The following TBX20 variants were observed in gnomAD, a reference collection of about 807,000 sequenced individuals.
TBX20 encodes the protein T-box transcription factor TBX20.
A neutral mutation model predicts 42.9 loss-of-function variants in TBX20; 8 were observed. The observed-to-expected ratio is 0.19, with a 90% CI of 0.11 to 0.34. TBX20 has a LOEUF of 0.34. TBX20 is among the 10% of genes least tolerant of loss of function. The probability of loss-of-function intolerance (pLI) is 1.00; values close to 1 mark genes in which losing one functional copy is unlikely to be tolerated. For missense variants in TBX20, 411 were observed against 566.0 expected, an observed-to-expected ratio of 0.73 and a Z score of 2.78; for synonymous variants, 198 against 222.8, an observed-to-expected ratio of 0.89 and a Z score of 0.99.
intron 6 of TBX20, among the ~76,000 whole-genome samples, chr7:35,218,844 G>A (rs1191332321): frequency 2.8e-4 from 43 of 152,098 alleles, no homozygotes; most frequent in Non-Finnish European, 5.1e-4. Flanking sequence ...AGGATGAGAG[G>A]GTGGAGCCCT....
intron 6 of TBX20, among the ~76,000 whole-genome samples, chr7:35,211,562 G>C (rs1789496325): frequency 6.6e-6 from 1 of 152,072 alleles, no homozygotes; most frequent in Admixed American, 6.6e-5. Flanking sequence ...ACTTGCAATG[G>C]TTCAACTTAC....
chr7:35,252,214 G>C (rs1336919773), intron 1 of TBX20, among the ~76,000 whole-genome samples: 1 of 152,120 alleles, frequency 6.6e-6, no homozygotes, highest in Non-Finnish European at 1.5e-5. Flanking sequence ...AAACAGCAAT[G>C]TATAATGTTG....
intron 6 of TBX20, among the ~76,000 whole-genome samples, chr7:35,219,719 ACTT>A (rs1321514820): frequency 6.6e-6 from 1 of 152,228 alleles, no homozygotes; most frequent in African/African-American, 2.4e-5. Flanking sequence ...ACAACCATGA[ACTT>A]CTTTAGCAAC....
chr7:35,246,049 C>T (rs578150546), intron 3 of TBX20, among the ~76,000 whole-genome samples: 2 of 152,080 alleles, frequency 1.3e-5, no homozygotes, highest in Non-Finnish European at 2.9e-5. Context: ...TTTACTAGGG[C>T]AAAAGCAAGG....
chr7:35,213,607 T>C (rs78449168), intron 6 of TBX20, among the ~76,000 whole-genome samples: 17 of 152,258 alleles, frequency 1.1e-4, no homozygotes, highest in Middle Eastern at 6.8e-3. Context: ...GGTTAAAAAA[T>C]ATAATTATGC....
intron 5 of TBX20, among the ~76,000 whole-genome samples, chr7:35,234,257 T>G (rs1789920446): frequency 6.6e-6 from 1 of 152,222 alleles, no homozygotes; most frequent in South Asian, 2.1e-4. Context: ...AAAGATGGAC[T>G]TTTGACATAT....
At chr7:35,242,060 A>G (rs1274082169) in intron 4 of TBX20, among the ~76,000 whole-genome samples, 1 of 140,610 alleles carries the variant, frequency 7.1e-6, no homozygotes, top group East Asian at 2.0e-4. Flanking sequence ...GACTATAAAC[A>G]GCCTGGCAGG....
chr7:35,206,974 C>G (rs1789410782), intron 6 of TBX20, among the ~76,000 whole-genome samples: 1 of 152,132 alleles, frequency 6.6e-6, no homozygotes. Flanking sequence ...GAAGCTGCTA[C>G]ACATATTCAT....
At position 35,249,957 on chromosome 7, in the gene TBX20, G is replaced by A. The variant is rs766692577; in HGVS notation, c.374C>T (p.Ser125Leu). 2.1e-5 allele frequency: 34 copies of A among 1,602,376 alleles called. No individual in the cohort carries two copies. The East Asian group carries it at 5.4e-4, about 25-fold the overall frequency. Residue 125 changes from serine (S) to leucine (L), a missense_variant, in exon 2 of 8, where the codon TCG (serine) becomes TTG (leucine). Ser to Leu is a moderately radical substitution (Grantham distance 145). Around this residue, in one of 5 missense-constraint regions of TBX20, gnomAD observed 12 missense variants for 41.4 expected, o/e 0.29. Transcript: ENST00000408931. This position sits in a 1 kb window ranked among gnomAD's most constrained non-coding sequence, Gnocchi z 4.3. ...ACCCCCAAGTCCCAACTACCTGCCCGACTTGGTGATGATCATCTCGGTGCC... is the reference window on the plus strand; with the variant it reads ...ACCCCCAAGTCCCAACTACCTGCCCAACTTGGTGATGATCATCTCGGTGCC... ...ELGTEMIITKSGRRMFPTIRV... is the reference protein window; with the variant it reads ...ELGTEMIITKLGRRMFPTIRV...
intron 5 of TBX20, among the ~76,000 whole-genome samples, chr7:35,237,332 G>A (rs1789985228): frequency 6.6e-6 from 1 of 151,426 alleles, no homozygotes; most frequent in Non-Finnish European, 1.5e-5. Flanking sequence ...CTAGTTCAGA[G>A]GGGGTTTAGG....
intron 1 of TBX20, among the ~76,000 whole-genome samples, chr7:35,251,355 T>C (rs564436622): frequency 6.6e-6 from 1 of 152,332 alleles, no homozygotes; most frequent in South Asian, 2.1e-4. Context: ...CATCCGTACA[T>C]GAAGAAAACA....
intron 5 of TBX20, among the ~76,000 whole-genome samples, chr7:35,233,555 T>A (rs1789907402): frequency 6.6e-6 from 1 of 152,254 alleles, no homozygotes; most frequent in Admixed American, 6.5e-5. Flanking sequence ...CTCTGAAGAA[T>A]GAAGCCTTGT....
At chr7:35,221,644 G>A (rs895700149) in intron 6 of TBX20, among the ~76,000 whole-genome samples, 14 of 152,236 alleles carry the variant, frequency 9.2e-5, no homozygotes, top group African/African-American at 3.4e-4. Flanking sequence ...CATACATAAC[G>A]GCAATGGAGC....
At chr7:35,232,395 A>C (rs1294315931) in intron 5 of TBX20, among the ~76,000 whole-genome samples, 2 of 152,232 alleles carry the variant, frequency 1.3e-5, no homozygotes, top group Non-Finnish European at 2.9e-5. Context: ...GTAACAAGAA[A>C]ATAAAGGAAA....
intron 4 of TBX20, among the ~76,000 whole-genome samples, chr7:35,242,797 C>G (rs144099913): frequency 8.8e-4 from 134 of 152,290 alleles, no homozygotes; most frequent in Non-Finnish European, 1.6e-3. Flanking sequence ...GACTCTGCTT[C>G]ACTCAAGAAA....
intron 5 of TBX20, among the ~76,000 whole-genome samples, chr7:35,239,418 A>C (rs768295885): frequency 5.9e-5 from 9 of 152,234 alleles, no homozygotes; most frequent in Non-Finnish European, 1.3e-4. Context: ...AATGAAACAA[A>C]CACAAGATAC....
chr7:35,214,427 C>T (rs1042500818), intron 6 of TBX20, among the ~76,000 whole-genome samples: 5 of 152,260 alleles, frequency 3.3e-5, no homozygotes, highest in African/African-American at 1.2e-4. Flanking sequence ...CTTATTGAAT[C>T]CCATGAGTTA....
chr7:35,214,841 G>A (rs1402726384), intron 6 of TBX20, among the ~76,000 whole-genome samples: 5 of 152,134 alleles, frequency 3.3e-5, no homozygotes, highest in Admixed American at 3.3e-4. Flanking sequence ...ACATGCAAAA[G>A]AACTTGTTTC....
chr7:35,203,953 G>T (rs1187797120), intron 7 of TBX20, among the ~76,000 whole-genome samples: 3 of 152,240 alleles, frequency 2.0e-5, no homozygotes, highest in Non-Finnish European at 4.4e-5. Context: ...TGGGAACAGA[G>T]AAACTTTGTT....
Sources: allele counts gnomAD v4.1 joint callset (sites outside exome capture counted in the v4.1 genomes callset), GRCh38; gene constraint gnomAD v4.1.1; regional missense constraint gnomAD v4.1.1; non-coding constraint Gnocchi (gnomAD v3.1); transcripts MANE v1.5; gene names NCBI Gene and HGNC (gene_info 2026-07-23, HGNC 2026-07-21).